The following CES5A variants were observed in gnomAD, a reference collection of about 807,000 sequenced individuals.
CES5A encodes the protein carboxylesterase 5.
In CES5A, 67 loss-of-function variants were observed where a neutral mutation model predicts 62.9. The ratio of observed to expected loss-of-function variants is 1.07; its 90% CI spans 0.88 to 1.31. The LOEUF (loss-of-function observed/expected upper bound fraction) is 1.31, where lower values mean the gene tolerates loss of function less well. Among genes scored for constraint, CES5A ranks in the 50% most tolerant of loss-of-function variants. The pLI, the probability that CES5A is intolerant of heterozygous loss-of-function variation, is 0.00. For synonymous variants in CES5A, 296 were observed against 280.8 expected (o/e 1.05, Z -0.54); for missense variants, 748 against 708.5 (o/e 1.06, Z -0.63).
At chr16:55,879,534 T>G (rs1376418913), upstream of CES5A, among the ~76,000 whole-genome samples, 1 of 151,244 alleles carries the variant, frequency 6.6e-6, no homozygotes, top group African/African-American at 2.4e-5. Context: ...CTCCTGCATC[T>G]CATCACTGCA....
At chr16:55,903,413 C>G (rs775993356) in intron 1 of CES5A, among the ~76,000 whole-genome samples, 5 of 152,192 alleles carry the variant, frequency 3.3e-5, no homozygotes, top group Non-Finnish European at 5.9e-5. Flanking sequence ...AGAATATTGT[C>G]ACTGTGCAGT....
chr16:55,939,457 A>T (rs1399272634), intron 2 of CES5A, among the ~76,000 whole-genome samples: 1 of 152,196 alleles, frequency 6.6e-6, no homozygotes, highest in Non-Finnish European at 1.5e-5. Flanking sequence ...GGGAAGTAAG[A>T]CCAGAACTCA....
intron 1 of CES5A, among the ~76,000 whole-genome samples, chr16:55,892,902 G>A (rs1384141340): frequency 6.6e-6 from 1 of 152,114 alleles, no homozygotes; most frequent in African/African-American, 2.4e-5. Context: ...GCCAAGTTAA[G>A]GTCAAAAATA....
At chr16:55,912,185 C>A (rs966205877) in intron 1 of CES5A, among the ~76,000 whole-genome samples, 11 of 152,210 alleles carry the variant, frequency 7.2e-5, no homozygotes, top group Non-Finnish European at 4.4e-5. Context: ...GTCCCCAGAT[C>A]CTCCATGAAG....
intron 2 of CES5A, among the ~76,000 whole-genome samples, chr16:55,945,066 G>C (rs541136092): frequency 3.9e-5 from 6 of 152,224 alleles, no homozygotes; most frequent in Non-Finnish European, 7.3e-5. Context: ...GTTAATAATA[G>C]GCTTGTTTTA....
chr16:55,878,448 T>G (rs2033721240), upstream of CES5A, among the ~76,000 whole-genome samples: 2 of 151,864 alleles, frequency 1.3e-5, no homozygotes, highest in Non-Finnish European at 2.9e-5. Context: ...ATAACCTGTT[T>G]CTCCAAACAC....
At chr16:55,932,770 T>C (rs1196848514) in intron 2 of CES5A, among the ~76,000 whole-genome samples, 2 of 152,108 alleles carry the variant, frequency 1.3e-5, no homozygotes, top group Non-Finnish European at 2.9e-5. Context: ...GCTGATGAGA[T>C]GAGGTTCAAG....
At chr16:55,950,322 A>G (rs1401225687) in intron 1 of CES5A, among the ~76,000 whole-genome samples, 1 of 152,228 alleles carries the variant, frequency 6.6e-6, no homozygotes, top group African/African-American at 2.4e-5. Flanking sequence ...AACAAACTGA[A>G]GAACTACATC....
intron 11 of CES5A, among the ~76,000 whole-genome samples, chr16:55,847,083 C>T (rs1471415239): frequency 2.0e-5 from 3 of 152,108 alleles, no homozygotes; most frequent in Non-Finnish European, 4.4e-5. Flanking sequence ...ACCCCGTGTT[C>T]CTGCAGCCAG....
intron 1 of CES5A, among the ~76,000 whole-genome samples, chr16:55,890,356 A>G (rs1392606542): frequency 7.0e-6 from 1 of 142,692 alleles, no homozygotes; most frequent in Non-Finnish European, 1.5e-5. Context: ...TTAATGTTCC[A>G]GATGTGGGCT....
At chr16:55,885,964 CAT>C (rs2033811369) in intron 1 of CES5A, among the ~76,000 whole-genome samples, 1 of 152,242 alleles carries the variant, frequency 6.6e-6, no homozygotes. Context: ...GTTACACACA[CAT>C]GGCTGACCCC....
Position 55,873,825 on chromosome 16 carries a change from G to C in CES5A, c.278+8C>G. On this transcript the variant is annotated splice_region_variant and intron_variant, in intron 2 of 12. Transcript: ENST00000290567. ...ACAAACCACCCGTGGGCCCGAACCT[G>C]GTCTTACAAATTAGGGTAGGAGGTG... The C allele has an allele frequency of 2.5e-6, 4 of 1,610,144 alleles. No individual in the cohort carries two copies. Among genetic ancestry groups the C allele is most frequent in the African/African-American group, 1.3e-5 (1 of 75,008 alleles).
At chr16:55,954,241 T>A (rs1181547460) in intron 1 of CES5A, among the ~76,000 whole-genome samples, 12 of 152,152 alleles carry the variant, frequency 7.9e-5, no homozygotes, top group Non-Finnish European at 1.6e-4. Context: ...TGCCTGTTGA[T>A]CCAAATGTGC....
intron 1 of CES5A, among the ~76,000 whole-genome samples, chr16:55,911,007 G>A (rs2034087225): frequency 6.6e-6 from 1 of 152,246 alleles, no homozygotes; most frequent in South Asian, 2.1e-4. Context: ...TTAAGCTCTT[G>A]TCATCCACAC....
intron 8 of CES5A, among the ~76,000 whole-genome samples, chr16:55,857,742 G>C (rs1247636192): frequency 2.0e-5 from 3 of 152,158 alleles, no homozygotes; most frequent in Non-Finnish European, 4.4e-5. Flanking sequence ...CCAATATCTA[G>C]CATTTACTGA....
intron 1 of CES5A, among the ~76,000 whole-genome samples, chr16:55,922,458 C>T (rs181840301): frequency 6.6e-5 from 10 of 151,850 alleles, no homozygotes; most frequent in Admixed American, 1.3e-4. Context: ...AAGGCCACTA[C>T]GTAATGATAA....
intron 1 of CES5A, among the ~76,000 whole-genome samples, chr16:55,892,442 T>C (rs748180277): frequency 2.6e-5 from 4 of 152,164 alleles, no homozygotes; most frequent in Non-Finnish European, 5.9e-5. Flanking sequence ...TGGTCACTCA[T>C]TTTTGGCTCA....
At chr16:55,944,623 C>T (rs1392990437) in intron 2 of CES5A, among the ~76,000 whole-genome samples, 4 of 152,142 alleles carry the variant, frequency 2.6e-5, no homozygotes, top group African/African-American at 4.8e-5. Flanking sequence ...TTACTGCAGG[C>T]GACAATGCAA....
At chr16:55,913,903 T>C (rs1020228871) in intron 1 of CES5A, among the ~76,000 whole-genome samples, 1 of 152,130 alleles carries the variant, frequency 6.6e-6, no homozygotes, top group Non-Finnish European at 1.5e-5. Flanking sequence ...TCCCACGTCA[T>C]GTTGCCTGCA....
Sources: gnomAD v4.1 joint callset for allele counts (sites outside exome capture counted in the v4.1 genomes callset) on GRCh38, gnomAD v4.1.1 for gene constraint, MANE v1.5 for transcripts, NCBI Gene and HGNC (gene_info 2026-07-23, HGNC 2026-07-21) for gene names.